The following SLCO1A2 variants were observed in gnomAD, a reference collection of about 807,000 sequenced individuals.
The protein encoded by SLCO1A2 is solute carrier organic anion transporter family member 1A2, also known as OATP-1.
SLCO1A2 carries 67 observed loss-of-function variants against 69.0 expected under a neutral mutation model. The observed-to-expected ratio is 0.97, with a 90% CI of 0.80 to 1.19. The LOEUF is 1.19. SLCO1A2 is among the 50% of genes most tolerant of loss of function. The pLI is 0.00. For missense variants in SLCO1A2, 787 were observed against 793.7 expected (o/e 0.99, Z 0.10); for synonymous variants, 260 against 265.9 (o/e 0.98, Z 0.22).
Position 21,301,237 on chromosome 12 carries a change from A to C in SLCO1A2, c.622T>G (p.Leu208Val), listed in dbSNP as rs1475910258. Residue 208 changes from leucine to valine, a missense_variant, in exon 7 of 15, where the codon TTG becomes GTG. Leu to Val is a conservative substitution (Grantham distance 32). Coordinates refer to ENST00000683939, the MANE Select transcript of SLCO1A2 (RefSeq NM_001386879.1). The stretch of plus-strand genomic sequence containing the variant: ...AATGATGCCAACAAAAGTCCAATCA[A>C]AGGACCAATAATAGCTCCTGTTTCT... ...LVETGAIIGP[L>V]IGLLLASFCA... The C allele has an allele frequency of 6.2e-7, 1 of 1,612,518 alleles. No individual in the cohort carries two copies. Among genetic ancestry groups the C allele is most frequent in the South Asian group, 1.1e-5 (1 of 91,002 alleles).
intron 12 of SLCO1A2, among the ~76,000 whole-genome samples, chr12:21,285,506 T>C (rs533786244): frequency 0.044 from 6,054 of 137,392 alleles, 469 homozygotes; most frequent in African/African-American, 0.16. Flanking sequence ...TAACTCATTT[T>C]ATGAGGCCAG....
At chr12:21,380,494 C>T (rs1940518953) in intron 1 of SLCO1A2, among the ~76,000 whole-genome samples, 1 of 152,110 alleles carries the variant, frequency 6.6e-6, no homozygotes, top group South Asian at 2.1e-4. Context: ...TTTATTCATT[C>T]AATTTCTTAC....
chr12:21,321,197 A>G (rs1481268798), intron 2 of SLCO1A2, among the ~76,000 whole-genome samples: 1 of 152,124 alleles, frequency 6.6e-6, no homozygotes, highest in East Asian at 1.9e-4. Flanking sequence ...ATGCATACCT[A>G]TATCTCTGAC....
chr12:21,318,935 AT>A lies in SLCO1A2; in HGVS notation c.61-13del, dbSNP rs781621069. On this transcript the variant is annotated splice_polypyrimidine_tract_variant and intron_variant, in intron 2 of 14. Coordinates refer to ENST00000683939, the MANE Select transcript of SLCO1A2 (RefSeq NM_001386879.1). ...GCCAACAGAAACATCTAGGAAAAAA[AT>A]ATAAGAAAACGTAGAAAAAATTATT... The A allele has an allele frequency of 1.9e-5, 30 of 1,565,856 alleles. No individual in the cohort carries two copies. Among genetic ancestry groups the A allele is most frequent in the Admixed American group, 6.3e-5 (3 of 47,328 alleles).
chr12:21,333,775 C>A (rs1469455741), intron 2 of SLCO1A2, among the ~76,000 whole-genome samples: 1 of 152,040 alleles, frequency 6.6e-6, no homozygotes, highest in Non-Finnish European at 1.5e-5. Context: ...TGCTATTACC[C>A]TTTTCAGATG....
chr12:21,414,720 T>G (rs1941963783), intron 1 of SLCO1A2, among the ~76,000 whole-genome samples: 1 of 152,180 alleles, frequency 6.6e-6, no homozygotes, highest in Admixed American at 6.5e-5. Context: ...TTAGATATTT[T>G]CAATATTTCC....
chr12:21,312,660 T>G (rs1487271992), intron 4 of SLCO1A2, among the ~76,000 whole-genome samples: 3 of 152,104 alleles, frequency 2.0e-5, no homozygotes, highest in Non-Finnish European at 4.4e-5. Flanking sequence ...ATTATAATAA[T>G]TGGCCTAATT....
chr12:21,265,349 G>C lies in SLCO1A2; in HGVS notation c.*4199C>G, dbSNP rs1037838724. The C allele has an allele frequency of 1.3e-5, 2 of 152,426 alleles. No individual in the cohort carries two copies. The highest frequency in any genetic ancestry group is 6.6e-5 in the Admixed American group (1 of 15,264). The allele number at this position is 152,426 out of a possible 1,614,324, so 9.4% of individuals were successfully genotyped here. ...GGGACACAGTGAAGGGATGGAAGGT[G>C]GTCTGGCTGGGAAGTCAAGAGATGG... On this transcript the variant is annotated 3_prime_UTR_variant, in exon 15 of 15. Transcript: ENST00000683939.
chr12:21,388,667 C>T (rs1391174587), intron 1 of SLCO1A2, among the ~76,000 whole-genome samples: 3 of 152,038 alleles, frequency 2.0e-5, no homozygotes, highest in African/African-American at 4.8e-5. Context: ...AGCAATACAA[C>T]ACTAATTTTT....
At chr12:21,356,094 C>A (rs1249268863) in intron 2 of SLCO1A2, among the ~76,000 whole-genome samples, 2 of 152,014 alleles carry the variant, frequency 1.3e-5, no homozygotes, top group Non-Finnish European at 2.9e-5. Context: ...ATTCAAGAAT[C>A]AGAATAAATT....
chr12:21,325,254 C>G (rs1221377840), intron 2 of SLCO1A2, among the ~76,000 whole-genome samples: 2 of 152,132 alleles, frequency 1.3e-5, no homozygotes, highest in East Asian at 3.9e-4. Flanking sequence ...TTTCATAGTA[C>G]TTGATAGGAG....
At position 21,304,422 on chromosome 12, in the gene SLCO1A2, C is replaced by A; in HGVS notation, c.589+5G>T. Reference sequence around the variant, plus strand: ...AAAGAAGCTAAGGTAGATTTCCATACTTACCAATATATAAAGGAGAATTTT... The same window carrying A: ...AAAGAAGCTAAGGTAGATTTCCATAATTACCAATATATAAAGGAGAATTTT... On this transcript the variant is annotated splice_donor_5th_base_variant and intron_variant, in intron 6 of 14. Coordinates refer to ENST00000683939, the MANE Select transcript of SLCO1A2 (RefSeq NM_001386879.1). 6.3e-7 allele frequency: 1 copy of A among 1,599,024 alleles called. No homozygotes were observed. Among genetic ancestry groups the A allele is most frequent in the Non-Finnish European group, 8.6e-7 (1 of 1,167,368 alleles).
intron 2 of SLCO1A2, among the ~76,000 whole-genome samples, chr12:21,340,706 A>C (rs1953039015): frequency 6.6e-6 from 1 of 151,908 alleles, no homozygotes; most frequent in Non-Finnish European, 1.5e-5. Context: ...GAGCTTGCCT[A>C]GTGGTAAAAT....
rs551352458 is a variant in SLCO1A2, at chr12:21,381,477, C to T, written c.-189-6952G>A. 2.6e-4 allele frequency among the ~76,000 whole-genome samples: 39 copies of T among 152,238 alleles called. No individual in the cohort carries two copies. The South Asian group carries it at 8.1e-3, about 32-fold the overall frequency. ...AAAACCACAGTGAGATACCACCTTA[C>T]TCCTGCAAGAATGTCCATTATTAAA... On this transcript the variant is annotated intron_variant, in intron 1 of 15. Transcript: ENST00000307378.
chr12:21,297,343 C>G, intron 9 of SLCO1A2, 61 bp downstream of exon 9: 2 of 1,298,402 alleles, frequency 1.5e-6, no homozygotes, highest in Non-Finnish European at 2.1e-6. Flanking sequence ...TTGCTACACC[C>G]GCCATCACAC....
At chr12:21,394,382 C>A (rs1267441714) in intron 1 of SLCO1A2, among the ~76,000 whole-genome samples, 2 of 150,408 alleles carry the variant, frequency 1.3e-5, no homozygotes, top group Admixed American at 6.6e-5. Context: ...CACACACACA[C>A]ACACACACAT....
intron 12 of SLCO1A2, among the ~76,000 whole-genome samples, chr12:21,285,643 C>T (rs11559786): frequency 0.058 from 7,798 of 133,626 alleles, 537 homozygotes; most frequent in East Asian, 0.34. Context: ...AGCAGCACAT[C>T]AAAAAGCTTA....
At chr12:21,298,491 T>TAAAC (rs1432389470) in intron 8 of SLCO1A2, among the ~76,000 whole-genome samples, 13 of 152,336 alleles carry the variant, frequency 8.5e-5, no homozygotes, top group Admixed American at 3.3e-4. Flanking sequence ...GTTTGCTTAA[T>TAAAC]AAACTGCTCA....
intron 2 of SLCO1A2, among the ~76,000 whole-genome samples, chr12:21,325,382 T>C (rs1400240882): frequency 1.3e-5 from 2 of 152,222 alleles, no homozygotes; most frequent in African/African-American, 4.8e-5. Context: ...TATCAACCTG[T>C]ACATTTTTAT....
Sources: gnomAD v4.1 joint callset for allele counts (sites outside exome capture counted in the v4.1 genomes callset) on GRCh38, gnomAD v4.1.1 for gene constraint, MANE v1.5 for transcripts, NCBI Gene and HGNC (gene_info 2026-07-23, HGNC 2026-07-21) for gene names.